The following DLG2 variants were observed in gnomAD, a reference collection of about 807,000 sequenced individuals.
DLG2 encodes the protein disks large homolog 2.
A neutral mutation model predicts 132.5 loss-of-function variants in DLG2; 45 were observed. That is an observed-to-expected ratio of 0.34 (90% confidence interval 0.27 to 0.44). The LOEUF (loss-of-function observed/expected upper bound fraction) is 0.44, where lower values mean the gene tolerates loss of function less well. Among genes scored for constraint, DLG2 ranks in the 20% least tolerant of loss-of-function variants. The pLI, the probability that DLG2 is intolerant of heterozygous loss-of-function variation, is 1.00. For synonymous variants in DLG2, 424 were observed against 419.6 expected, an observed-to-expected ratio of 1.01 and a Z score of -0.13; for missense variants, 1,045 against 1,196.9, an observed-to-expected ratio of 0.87 and a Z score of 1.87.
intron 15 of DLG2, among the ~76,000 whole-genome samples, chr11:83,925,042 T>C (rs2078700796): frequency 6.6e-6 from 1 of 152,088 alleles, no homozygotes. Context: ...AATAATCTGA[T>C]TGTAGTTATG....
Position 85,561,455 on chromosome 11 carries a change from T to C in DLG2, c.40+37202A>G, listed in dbSNP as rs1299824274. Among the ~76,000 whole-genome samples, 2 of 150,380 alleles carry C rather than the reference T, an allele frequency of 1.3e-5. 1 individual carries two copies. Among genetic ancestry groups the C allele is most frequent in the Non-Finnish European group, 3.0e-5 (2 of 67,558 alleles). On this transcript the variant is annotated intron_variant, in intron 3 of 27. Transcript: ENST00000376104. The stretch of plus-strand genomic sequence containing the variant: ...AAAAACCCTGCACTTCCTACCAGTA[T>C]TACAAAAGGGAAACTATATTCATAA...
At chr11:84,033,048 T>A (rs576721934) in intron 11 of DLG2, among the ~76,000 whole-genome samples, 11 of 152,240 alleles carry the variant, frequency 7.2e-5, no homozygotes, top group African/African-American at 2.2e-4. Context: ...AGAGCTCTTA[T>A]GCAGATGTGC....
intron 5 of DLG2, among the ~76,000 whole-genome samples, chr11:85,148,877 T>A (rs1395017400): frequency 6.6e-6 from 1 of 152,232 alleles, no homozygotes; most frequent in Non-Finnish European, 1.5e-5. Context: ...GTTTTTATGG[T>A]TTTGGGTTTA....
At chr11:84,331,179 C>T (rs2098456675) in intron 7 of DLG2, among the ~76,000 whole-genome samples, 1 of 152,154 alleles carries the variant, frequency 6.6e-6, no homozygotes, top group South Asian at 2.1e-4. Context: ...GGAACAGCTT[C>T]AATCATAGCA....
chr11:85,248,710 A>G (rs1008127655), intron 4 of DLG2, among the ~76,000 whole-genome samples: 1 of 152,118 alleles, frequency 6.6e-6, no homozygotes, highest in Non-Finnish European at 1.5e-5. Flanking sequence ...TCAAATAGGG[A>G]AAGAAATAAG....
intron 17 of DLG2, among the ~76,000 whole-genome samples, chr11:83,831,985 A>T (rs1355365997): frequency 6.6e-6 from 1 of 152,126 alleles, no homozygotes; most frequent in Non-Finnish European, 1.5e-5. Flanking sequence ...AGAGGGAGGG[A>T]AGGGATATGG....
At chr11:84,150,521 A>T (rs1421289085) in intron 9 of DLG2, among the ~76,000 whole-genome samples, 2 of 152,220 alleles carry the variant, frequency 1.3e-5, no homozygotes, top group Non-Finnish European at 2.9e-5. Context: ...TTATACTCTC[A>T]TAGAATATAC....
chr11:84,241,522 A>C (rs187092358), intron 8 of DLG2, among the ~76,000 whole-genome samples: 10 of 152,272 alleles, frequency 6.6e-5, no homozygotes, highest in Admixed American at 5.2e-4. Context: ...TTCACCATGC[A>C]TTATCCATTT....
At chr11:84,451,155 T>A (rs903396086) in intron 7 of DLG2, among the ~76,000 whole-genome samples, 1 of 151,748 alleles carries the variant, frequency 6.6e-6, no homozygotes. Context: ...GAAGGAAAAA[T>A]TTTCATTTGC....
chr11:85,435,789 T>C (rs2091447658), intron 3 of DLG2, among the ~76,000 whole-genome samples: 1 of 152,214 alleles, frequency 6.6e-6, no homozygotes, highest in African/African-American at 2.4e-5. Context: ...ATTGACATTC[T>C]TCACAGAATT....
intron 6 of DLG2, among the ~76,000 whole-genome samples, chr11:84,689,571 C>T (rs943970514): frequency 4.6e-5 from 7 of 152,056 alleles, no homozygotes; most frequent in Non-Finnish European, 8.8e-5. Flanking sequence ...TCAGTTTGAG[C>T]ACTATTGACA....
rs11233870 is a variant in DLG2, at chr11:83,981,911, G to T, written c.920-1269C>A. Among the ~76,000 whole-genome samples, 549 of 152,290 alleles carry T rather than the reference G, an allele frequency of 3.6e-3. 1 individual carries two copies. The highest frequency in any genetic ancestry group is 6.5e-3 in the Non-Finnish European group (445 of 68,014). On this transcript the variant is annotated intron_variant, in intron 11 of 27. Transcript: ENST00000376104. ...AATAACAAGAATAGAGGACAGTCAT[G>T]CACTGCATAACAATGTTTTGATCAG...
intron 3 of DLG2, among the ~76,000 whole-genome samples, chr11:85,379,474 G>A (rs958566415): frequency 6.6e-6 from 1 of 152,172 alleles, no homozygotes; most frequent in Non-Finnish European, 1.5e-5. Context: ...AGAGTGGAAC[G>A]ATAATTTGTT....
At chr11:84,948,753 T>C (rs2050546901) in intron 6 of DLG2, among the ~76,000 whole-genome samples, 1 of 152,226 alleles carries the variant, frequency 6.6e-6, no homozygotes, top group South Asian at 2.1e-4. Context: ...GTTCCCTGCA[T>C]GTCTGATTGA....
At chr11:85,187,218 A>G (rs1025403721) in intron 4 of DLG2, among the ~76,000 whole-genome samples, 1 of 152,146 alleles carries the variant, frequency 6.6e-6, no homozygotes, top group Non-Finnish European at 1.5e-5. Flanking sequence ...GACTTTACAT[A>G]ATAAAATTAT....
intron 4 of DLG2, among the ~76,000 whole-genome samples, chr11:85,206,637 T>C (rs1458309504): frequency 2.6e-5 from 4 of 152,186 alleles, no homozygotes; most frequent in Non-Finnish European, 4.4e-5. Context: ...GAATTTGTAA[T>C]GAAGTCGATT....
At chr11:83,945,991 C>CT (rs1163812479) in intron 14 of DLG2, among the ~76,000 whole-genome samples, 2,875 of 116,368 alleles carry the variant, frequency 0.025, 133 homozygotes, top group African/African-American at 0.089. Flanking sequence ...TTCTCTCTCT[C>CT]TCTTTTTTTT....
At chr11:84,618,002 T>C (rs893201801) in intron 6 of DLG2, among the ~76,000 whole-genome samples, 5 of 152,024 alleles carry the variant, frequency 3.3e-5, no homozygotes, top group Admixed American at 6.6e-5. Context: ...AAACCAGTCT[T>C]GGGGGCTTAA....
intron 6 of DLG2, among the ~76,000 whole-genome samples, chr11:84,785,225 T>C (rs1444612328): frequency 6.6e-6 from 1 of 152,072 alleles, no homozygotes; most frequent in Non-Finnish European, 1.5e-5. Flanking sequence ...TCTTGCAATG[T>C]ATTTGTTTAA....
Sources: allele counts gnomAD v4.1 joint callset (sites outside exome capture counted in the v4.1 genomes callset), GRCh38; gene constraint gnomAD v4.1.1; transcripts MANE v1.5; gene names NCBI Gene and HGNC (gene_info 2026-07-23, HGNC 2026-07-21).